The following CC2D2B variants were observed in gnomAD, a reference collection of about 807,000 sequenced individuals.
CC2D2B encodes the protein protein CC2D2B.
Under a neutral mutation model 161.2 loss-of-function variants are expected in CC2D2B, and 128 were observed. That is an observed-to-expected ratio of 0.79 (90% CI 0.69 to 0.92). The LOEUF (loss-of-function observed/expected upper bound fraction) is 0.92. Among genes scored for constraint, CC2D2B ranks in the 40% least tolerant of loss-of-function variants. The pLI is 0.00. For synonymous variants in CC2D2B, 391 were observed against 449.8 expected (o/e 0.87, Z 1.65); for missense variants, 1,173 against 1,375.1 (o/e 0.85, Z 2.32).
intron 11 of CC2D2B, among the ~76,000 whole-genome samples, chr10:95,956,322 A>G (rs776774389): frequency 2.8e-4 from 42 of 152,306 alleles, no homozygotes; most frequent in Non-Finnish European, 4.3e-4. Flanking sequence ...GCCAGTAGAA[A>G]TAATAGAAGG....
chr10:95,926,848 C>CTA (rs2098539990), intron 5 of CC2D2B, among the ~76,000 whole-genome samples: 1 of 106,902 alleles, frequency 9.4e-6, no homozygotes, highest in African/African-American at 4.0e-5. Context: ...GTGTGTGTGT[C>CTA]TGTGTGTGTG....
chr10:96,024,176 C>T (rs79388684), intron 32 of CC2D2B, among the ~76,000 whole-genome samples: 4,240 of 152,146 alleles, frequency 0.028, 97 homozygotes, highest in African/African-American at 0.054. Context: ...CTGGAAGAAA[C>T]GTGGAATAGC....
In CC2D2B at chr10:95,983,701, G is replaced by A. The variant is rs2077615180; in HGVS notation, c.2178G>A (p.Lys726=). Residue 726 remains lysine, a synonymous_variant, in exon 19 of 35, where the codon AAG becomes AAA. Transcript: ENST00000646931. ...TCGTTTCTGAAGAGGAAATGGCAAAGAGTAAACGTTTCCAGCTATTGCAAC... is the reference window on the plus strand; with the variant it reads ...TCGTTTCTGAAGAGGAAATGGCAAAAAGTAAACGTTTCCAGCTATTGCAAC... ...FNFVSEEEMA[K]SKRFQLLQLR... The A allele has an allele frequency of 8.1e-7, 1 of 1,230,950 alleles. No homozygotes were observed. The allele number at this position is 1,230,950 out of a possible 1,614,324, so 76.3% of individuals were successfully genotyped here.
At chr10:95,986,545 A>G (rs1028717988) in intron 19 of CC2D2B, among the ~76,000 whole-genome samples, 2 of 152,066 alleles carry the variant, frequency 1.3e-5, no homozygotes, top group South Asian at 4.2e-4. Flanking sequence ...ATTTTGGGAT[A>G]CAAAGGTATT....
At chr10:95,965,785 T>TTTTGTG (rs1554837907) in intron 12 of CC2D2B, 111 bp from the exon 13 acceptor site, 2 of 344,348 alleles carry the variant, frequency 5.8e-6, no homozygotes, top group African/African-American at 2.2e-5. Context: ...GAGATTGGTT[T>TTTTGTG]TGTGTGTGTG....
chr10:95,911,046 C>A (rs1385089166), intron 1 of CC2D2B, among the ~76,000 whole-genome samples: 1 of 152,114 alleles, frequency 6.6e-6, no homozygotes, highest in African/African-American at 2.4e-5. Context: ...CATCTACAAA[C>A]AATGATAATT....
At position 95,968,812 on chromosome 10, in the gene CC2D2B, G is replaced by C. The variant is rs2077027024; in HGVS notation, c.1555G>C (p.Val519Leu). 10 of 1,202,966 alleles carry C rather than the reference G, an allele frequency of 8.3e-6. No individual in the cohort carries two copies. In the East Asian group the frequency reaches 2.9e-4, roughly 34 times the overall value. The allele number at this position is 1,202,966 out of a possible 1,614,324, so 74.5% of individuals were successfully genotyped here. A position where few individuals can be genotyped will look rare whatever the true frequency, so the allele number is the denominator to read the frequency against. ...YNNKQVSCTS[V>L]SPLQFDFKVM... ...CAATAAACAGGTTTCTTGTACTTCA[G>C]TATCTCCCCTACAGTTTGATTTTAA... Residue 519 changes from valine to leucine, a missense_variant, in exon 15 of 35, where the codon GTA becomes CTA. This residue lies in a region of CC2D2B where 277 missense variants were observed against 420.6 expected (regional missense o/e 0.66). Transcript: ENST00000646931.
chr10:95,989,933 G>A (rs1457055447), intron 20 of CC2D2B, among the ~76,000 whole-genome samples: 1 of 152,190 alleles, frequency 6.6e-6, no homozygotes, highest in East Asian at 1.9e-4. Flanking sequence ...TCATGGAACT[G>A]TGAGTTATGT....
At chr10:95,922,480 G>A (rs1220284069) in intron 3 of CC2D2B, among the ~76,000 whole-genome samples, 3 of 152,150 alleles carry the variant, frequency 2.0e-5, no homozygotes, top group African/African-American at 7.2e-5. Flanking sequence ...TCTAAGTTAT[G>A]GGAATAGAGT....
At chr10:95,949,669 TTA>T (rs2076336449) in intron 9 of CC2D2B, among the ~76,000 whole-genome samples, 3 of 95,068 alleles carry the variant, frequency 3.2e-5, no homozygotes. Context: ...AAAAAAAAAA[TTA>T]AAAAAAAAAA....
At chr10:95,926,840 GTGTGTGTC>G (rs1322119194) in intron 5 of CC2D2B, among the ~76,000 whole-genome samples, 9 of 108,020 alleles carry the variant, frequency 8.3e-5, no homozygotes, top group African/African-American at 1.2e-4. Flanking sequence ...GTGTGTGTGT[GTGTGTGTC>G]TGTGTGTGTG....
intron 32 of CC2D2B, 27 bp downstream of exon 32, chr10:96,019,851 T>C (rs1209601170): frequency 3.8e-6 from 6 of 1,576,342 alleles, no homozygotes; most frequent in Admixed American, 2.0e-5. Flanking sequence ...CAGGGGTGTC[T>C]GTATGAGAGT....
At chr10:95,933,199 C>T (rs2075675026) in intron 6 of CC2D2B, among the ~76,000 whole-genome samples, 1 of 151,832 alleles carries the variant, frequency 6.6e-6, no homozygotes. Context: ...GTATGCTTCA[C>T]GAAGTTCTCG....
chr10:95,992,730 A>C, intron 22 of CC2D2B, 33 bp downstream of exon 22: 1 of 1,206,354 alleles, frequency 8.3e-7, no homozygotes, highest in Non-Finnish European at 1.0e-6. Context: ...TTAGAGTTGC[A>C]AAAGGTCTAT....
chr10:95,962,761 TAG>T (rs1316003234), intron 12 of CC2D2B, among the ~76,000 whole-genome samples: 2 of 142,268 alleles, frequency 1.4e-5, no homozygotes, highest in Non-Finnish European at 3.1e-5. Context: ...CTTGCTGCAG[TAG>T]TTTTTTTTTT....
chr10:95,936,337 G>C (rs1329645623), intron 6 of CC2D2B, among the ~76,000 whole-genome samples: 1 of 152,188 alleles, frequency 6.6e-6, no homozygotes, highest in African/African-American at 2.4e-5. Flanking sequence ...GTAAGAGGCT[G>C]AGTTTGAGTG....
chr10:95,991,126 A>AT (rs2077939247), intron 20 of CC2D2B, among the ~76,000 whole-genome samples: 1 of 152,206 alleles, frequency 6.6e-6, no homozygotes, highest in Admixed American at 6.5e-5. Flanking sequence ...TTAGGATGAG[A>AT]TGAACTGGAT....
chr10:95,969,456 C>G (rs989398996), intron 15 of CC2D2B, among the ~76,000 whole-genome samples: 1 of 151,194 alleles, frequency 6.6e-6, no homozygotes, highest in South Asian at 2.1e-4. Flanking sequence ...AGACAACAAA[C>G]GAGTCTAGAC....
At chr10:95,927,179 C>T (rs560121674) in intron 5 of CC2D2B, 58 bp from the exon 6 acceptor site, 1 of 947,876 alleles carries the variant, frequency 1.1e-6, no homozygotes, top group South Asian at 1.6e-5. Flanking sequence ...AAAACTATTT[C>T]CTTTACTTAT....
Sources: allele counts gnomAD v4.1 joint callset (sites outside exome capture counted in the v4.1 genomes callset), GRCh38; gene constraint gnomAD v4.1.1; regional missense constraint gnomAD v4.1.1; transcripts MANE v1.5; gene names NCBI Gene and HGNC (gene_info 2026-07-23, HGNC 2026-07-21).